The following HEATR9 variants were observed in gnomAD, a reference collection of about 807,000 sequenced individuals.
The protein encoded by HEATR9 is HEAT repeat containing 9.
Under a neutral mutation model 68.2 loss-of-function variants are expected in HEATR9, and 54 were observed. The ratio of observed to expected loss-of-function variants is 0.79; its 90% CI spans 0.64 to 0.99. The LOEUF is 0.99. Ranked by LOEUF, HEATR9 falls within the 50% of genes least tolerant of loss-of-function variation. The probability of loss-of-function intolerance (pLI) is 0.00; values close to 1 mark genes in which losing one functional copy is unlikely to be tolerated. For synonymous variants in HEATR9, 241 were observed against 253.5 expected (o/e 0.95, Z 0.47); for missense variants, 662 against 679.7 (o/e 0.97, Z 0.29).
intron 8 of HEATR9, chr17:35,861,087 C>A: frequency 2.1e-6 from 2 of 949,768 alleles, no homozygotes; most frequent in South Asian, 1.3e-5. Context: ...AAAGAAGCAT[C>A]CTCTTGTCCA....
At chr17:35,862,720 C>T (rs1431810561) in intron 8 of HEATR9, among the ~76,000 whole-genome samples, 1 of 152,152 alleles carries the variant, frequency 6.6e-6, no homozygotes, top group African/African-American at 2.4e-5. Context: ...GTCGAAAAAT[C>T]GTAAGTCAAA....
At position 35,855,406 on chromosome 17, in the gene HEATR9, T is replaced by G; in HGVS notation, c.1370A>C (p.Gln457Pro). Residue 457 changes from glutamine to proline, a missense_variant, in exon 15 of 15, where the codon CAA (glutamine) becomes CCA (proline). Gln to Pro is a moderately conservative substitution (Grantham distance 76). Coordinates refer to ENST00000604834, the MANE Select transcript of HEATR9 (RefSeq NM_152781.4). ...TGAGGCACAAAGGATTAATGTTTCT[T>G]GTAGCTGCATTGAAACAAAGGTCCT... ...ENHQAVKKSL[Q>P]ETLILCASID... 6.2e-7 allele frequency: 1 copy of G among 1,611,562 alleles called. No homozygotes were observed. The highest frequency in any genetic ancestry group is 8.5e-7 in the Non-Finnish European group (1 of 1,178,302).
At chr17:35,863,590 T>C (rs1598598962) in intron 6 of HEATR9, 31 bp from the exon 7 acceptor site, 1 of 1,606,266 alleles carries the variant, frequency 6.2e-7, no homozygotes, top group Middle Eastern at 1.7e-4. Context: ...TAGGAACATA[T>C]AATAAGGTGA....
chr17:35,857,304 A>G lies in HEATR9; in HGVS notation c.1153-499T>C, dbSNP rs1347404120. ...TGGTTGTCGTAAGCATAGTTGGTAC[A>G]TGGTTCTGGTGGGGAGAATGGTGAG... On this transcript the variant is annotated intron_variant, in intron 11 of 14. Transcript: ENST00000604834. 3.9e-5 allele frequency among the ~76,000 whole-genome samples: 6 copies of G among 152,268 alleles called. No homozygotes were observed. In the South Asian group the frequency reaches 1.0e-3, roughly 26 times the overall value.
At chr17:35,858,603 C>T in intron 9 of HEATR9, 78 bp from the exon 10 acceptor site, 1 of 1,327,814 alleles carries the variant, frequency 7.5e-7, no homozygotes, top group Non-Finnish European at 1.1e-6. Context: ...AGGTCTGAGC[C>T]TAGAACTGGT....
intron 7 of HEATR9, among the ~76,000 whole-genome samples, 187 bp downstream of exon 7, chr17:35,863,315 C>T (rs2088067279): frequency 6.6e-6 from 1 of 152,214 alleles, no homozygotes; most frequent in Admixed American, 6.5e-5. Flanking sequence ...CTCCCTCTCC[C>T]TCTTTCTAAT....
intron 11 of HEATR9, among the ~76,000 whole-genome samples, chr17:35,857,074 G>A (rs1224010399): frequency 6.6e-6 from 1 of 152,110 alleles, no homozygotes; most frequent in Middle Eastern, 3.2e-3. Flanking sequence ...CTTGGAAGGT[G>A]AGTGGGAGTT....
At chr17:35,861,045 C>CAAA in intron 8 of HEATR9, 1 of 638,676 alleles carries the variant, frequency 1.6e-6, no homozygotes, top group Non-Finnish European at 2.7e-6. Context: ...GATTCGGTCT[C>CAAA]AAAAAAAAAA....
intron 8 of HEATR9, among the ~76,000 whole-genome samples, chr17:35,860,300 G>A (rs1187369989): frequency 6.8e-6 from 1 of 147,136 alleles, no homozygotes; most frequent in Non-Finnish European, 1.5e-5. Flanking sequence ...GCTGAAGCAG[G>A]AGAATGGCAT....
intron 8 of HEATR9, among the ~76,000 whole-genome samples, chr17:35,860,479 T>A (rs751982530): frequency 3.3e-3 from 315 of 94,126 alleles, no homozygotes; most frequent in Admixed American, 7.8e-3. Context: ...TATTTATTTA[T>A]TTTATTTATT....
Position 35,868,716 on chromosome 17 carries a change from G to A in HEATR9, c.27C>T (p.Ile9=). The A allele has an allele frequency of 6.2e-7, 1 of 1,614,202 alleles. No homozygotes were observed. The highest frequency in any genetic ancestry group is 1.1e-5 in the South Asian group (1 of 91,086). ...GGAACATTGACCTGGAGACATCAGAGATATCAGTTGATTTTTCATAGGCCA... is the reference window on the plus strand; with the variant it reads ...GGAACATTGACCTGGAGACATCAGAAATATCAGTTGATTTTTCATAGGCCA... The part of the protein sequence containing the change: MAYEKSTD[I]SDVSRSMFLY... Residue 9 remains isoleucine, a synonymous_variant, in exon 1 of 15, where the codon ATC becomes ATT. Transcript: ENST00000604834.
rs985162959 is a variant in HEATR9, at chr17:35,855,841, C to T, written c.1279-91G>A. The T allele has an allele frequency of 1.8e-5, 20 of 1,096,686 alleles. No homozygotes were observed. The Admixed American group carries it at 3.4e-4, about 19-fold the overall frequency. 67.9% of individuals were successfully genotyped at this position (1,096,686 alleles called of 1,614,324 possible). On this transcript the variant is annotated intron_variant, in intron 13 of 14. Coordinates refer to ENST00000604834, the MANE Select transcript of HEATR9 (RefSeq NM_152781.4). Reference sequence around the variant, plus strand: ...ATTCTAGCCCCTTTGTGAGACTCTGCAGCATAGAGAGGGGGGAGATAGGGT... The same window carrying T: ...ATTCTAGCCCCTTTGTGAGACTCTGTAGCATAGAGAGGGGGGAGATAGGGT...
chr17:35,855,163 G>T lies in HEATR9; in HGVS notation c.1613C>A (p.Pro538Gln), dbSNP rs375997706. 1.6e-5 allele frequency: 26 copies of T among 1,614,000 alleles called. No individual in the cohort carries two copies. The highest frequency in any genetic ancestry group is 2.2e-5 in the Non-Finnish European group (26 of 1,180,010). Residue 538 changes from proline to glutamine, a missense_variant, in exon 15 of 15, where the codon CCG (proline) becomes CAG (glutamine). Physicochemically the swap from Pro to Gln is moderately conservative, Grantham distance 76. Transcript: ENST00000604834. ...ATGTTTTCGTGGTTTCGAGCAGCAC[G>T]GTGGGAAAGCAGGCGTTTTCTTTTG... ...VGQKKTPAFP[P>Q]CCSKPRKHRP... is the part of the protein sequence containing the mutation.
At chr17:35,856,635 A>G in intron 12 of HEATR9, 97 bp downstream of exon 12, 1 of 1,101,986 alleles carries the variant, frequency 9.1e-7, no homozygotes, top group Admixed American at 2.0e-5. Context: ...CTCAGCTCTC[A>G]CTGACCCTCT....
At chr17:35,865,875 A>G (rs1403289967) in intron 2 of HEATR9, among the ~76,000 whole-genome samples, 1 of 152,232 alleles carries the variant, frequency 6.6e-6, no homozygotes, top group African/African-American at 2.4e-5. Flanking sequence ...TGTGCCAGAT[A>G]CTGTGCTGGG....
In HEATR9 at chr17:35,864,519, T is replaced by G. The variant is rs368827338; in HGVS notation, c.488A>C (p.Asp163Ala). The change falls in exon 5 of 15, where the codon GAT becomes GCT. Residue 163 changes from aspartate to alanine, a missense_variant. Transcript: ENST00000604834. ...LTKSLESPREDEQFYAAQALG... is the reference protein window; with the variant it reads ...LTKSLESPREAEQFYAAQALG... The stretch of plus-strand genomic sequence containing the variant: ...CACCTGTGCTGCATAGAACTGCTCA[T>G]CCTCTCTGGGAGATTCCAGGCTTTT... 306 of 1,613,930 alleles carry G rather than the reference T, an allele frequency of 1.9e-4. No homozygotes were observed. Among genetic ancestry groups the G allele is most frequent in the Non-Finnish European group, 2.6e-4 (301 of 1,179,992 alleles).
chr17:35,865,054 G>C (rs1212641966), intron 3 of HEATR9, among the ~76,000 whole-genome samples, 161 bp downstream of exon 3: 1 of 142,826 alleles, frequency 7.0e-6, no homozygotes, highest in African/African-American at 3.1e-5. Context: ...AGCCGAGCCG[G>C]CCGAGCCAGA....
intron 11 of HEATR9, among the ~76,000 whole-genome samples, chr17:35,857,790 T>TTTA (rs1294653769): frequency 6.6e-6 from 1 of 152,046 alleles, no homozygotes; most frequent in African/African-American, 2.4e-5. Flanking sequence ...AACACCTAGT[T>TTTA]TTATAACAAG....
rs753895356 is a variant in HEATR9, at chr17:35,864,540, CTT to C, written c.465_466del (p.Ser156ProfsTer8). ...CTCATCCTCTCTGGGAGATTCCAGGCTTTTTGTGAGTTCCTGCCCATCCAAGG... is the reference window on the plus strand; with the variant it reads ...CTCATCCTCTCTGGGAGATTCCAGGCTTTGTGAGTTCCTGCCCATCCAAGG... On this transcript the variant is annotated frameshift_variant, in exon 5 of 15. Transcript: ENST00000604834. LOFTEE classifies it high-confidence loss of function. 5.6e-6 allele frequency: 9 copies of C among 1,613,836 alleles called. No homozygotes were observed. Among genetic ancestry groups the C allele is most frequent in the African/African-American group, 1.3e-5 (1 of 74,914 alleles).
Sources: allele counts gnomAD v4.1 joint callset (sites outside exome capture counted in the v4.1 genomes callset), GRCh38; gene constraint gnomAD v4.1.1; transcripts MANE v1.5; gene names NCBI Gene and HGNC (gene_info 2026-07-23, HGNC 2026-07-21).